Variants in CALD1 observed in about 807,000 individuals in gnomAD.
The protein encoded by CALD1 is caldesmon.
In CALD1, 33 loss-of-function variants were observed where a neutral mutation model predicts 99.9. That is an observed-to-expected ratio of 0.33 (90% CI 0.25 to 0.44). The LOEUF is 0.44. CALD1 is among the 20% of genes least tolerant of loss of function. CALD1 has a pLI of 1.00. For synonymous variants in CALD1, 310 were observed against 325.0 expected, an observed-to-expected ratio of 0.95 and a Z score of 0.50; for missense variants, 861 against 962.1, an observed-to-expected ratio of 0.89 and a Z score of 1.39.
At chr7:134,895,607 T>C (rs552025419) in intron 3 of CALD1, among the ~76,000 whole-genome samples, 9 of 152,272 alleles carry the variant, frequency 5.9e-5, no homozygotes, top group African/African-American at 2.2e-4. Flanking sequence ...CCTGTTCTGC[T>C]GTAGCCAAGA....
intron 1 of CALD1, among the ~76,000 whole-genome samples, chr7:134,798,714 A>G (rs1797838643): frequency 6.6e-6 from 1 of 152,238 alleles, no homozygotes; most frequent in African/African-American, 2.4e-5. Context: ...CACCCCAATG[A>G]CCGTATTCCA....
Position 134,933,767 on chromosome 7 carries a change from A to T in CALD1, c.998A>T (p.Glu333Val). 1 of 1,552,378 alleles carries T rather than the reference A, an allele frequency of 6.4e-7. No homozygotes were observed. Among genetic ancestry groups the T allele is most frequent in the East Asian group, 2.4e-5 (1 of 40,952 alleles). Residue 333 changes from glutamate to valine, a missense_variant, in exon 5 of 15, where the codon GAG becomes GTG. Around this residue, in one of 5 missense-constraint regions of CALD1, gnomAD observed 21 missense variants for 47.5 expected, o/e 0.44. Transcript: ENST00000361675. ...RAAEERQRIK[E>V]EEKRAAEERQ... The stretch of plus-strand genomic sequence containing the variant: ...GCAGAGGAGAGGCAGAGGATAAAGG[A>T]GGAAGAGAAAAGGGCAGCAGAGGAG...
At chr7:134,875,639 C>T (rs1801313610) in intron 3 of CALD1, among the ~76,000 whole-genome samples, 1 of 152,296 alleles carries the variant, frequency 6.6e-6, no homozygotes, top group Admixed American at 6.5e-5. Context: ...GCTTTGCTCA[C>T]CCCTTAAACC....
chr7:134,897,389 AATATAT>A (rs772700602), intron 3 of CALD1, among the ~76,000 whole-genome samples: 1 of 146,644 alleles, frequency 6.8e-6, no homozygotes, highest in Non-Finnish European at 1.5e-5. Flanking sequence ...TATATATATA[AATATAT>A]ATATATATAT....
At chr7:134,808,155 C>A (rs1207338470) in intron 1 of CALD1, among the ~76,000 whole-genome samples, 1 of 150,536 alleles carries the variant, frequency 6.6e-6, no homozygotes, top group East Asian at 2.0e-4. Flanking sequence ...GGCTTGAGTA[C>A]AGTGGTGCAA....
chr7:134,774,997 A>C (rs958084171), upstream of CALD1, among the ~76,000 whole-genome samples: 3 of 151,364 alleles, frequency 2.0e-5, no homozygotes, highest in African/African-American at 4.9e-5. Flanking sequence ...TTCATTTGTT[A>C]ATTCTGTTTT....
chr7:134,806,840 A>T (rs1798158762), intron 1 of CALD1, among the ~76,000 whole-genome samples: 1 of 152,200 alleles, frequency 6.6e-6, no homozygotes, highest in Non-Finnish European at 1.5e-5. Flanking sequence ...TGGTCAAAGG[A>T]GAATTTTTTT....
At chr7:134,844,030 C>CT (rs1799753376) in intron 2 of CALD1, 59 bp downstream of exon 2, 1 of 152,170 alleles carries the variant, frequency 6.6e-6, no homozygotes, top group Admixed American at 6.5e-5. Flanking sequence ...ATTACACAGC[C>CT]TCTGTGCCTG....
intron 3 of CALD1, among the ~76,000 whole-genome samples, chr7:134,903,638 TC>T (rs1349508741): frequency 6.6e-6 from 1 of 152,084 alleles, no homozygotes; most frequent in Non-Finnish European, 1.5e-5. Flanking sequence ...CAAGATTGTC[TC>T]CCTGTGTCTC....
chr7:134,917,587 T>A (rs895281474), intron 3 of CALD1, among the ~76,000 whole-genome samples: 1 of 152,174 alleles, frequency 6.6e-6, no homozygotes, highest in African/African-American at 2.4e-5. Context: ...TGACCTCAGA[T>A]GATCCACCCA....
intron 14 of CALD1, 49 bp from the exon 15 acceptor site, chr7:134,968,291 T>C: frequency 6.3e-7 from 1 of 1,590,590 alleles, no homozygotes; most frequent in Non-Finnish European, 8.6e-7. Flanking sequence ...CTGCAGGCTG[T>C]CAGTTTCACA....
intron 2 of CALD1, among the ~76,000 whole-genome samples, chr7:134,848,386 CT>C (rs1223611178): frequency 6.6e-6 from 1 of 152,176 alleles, no homozygotes; most frequent in Non-Finnish European, 1.5e-5. Context: ...TACAAATGAG[CT>C]GTGATTTCAG....
chr7:134,926,617 A>C lies in CALD1; in HGVS notation c.72-2137A>C, dbSNP rs527744131. Among the ~76,000 whole-genome samples, 18 of 152,316 alleles carry C rather than the reference A, an allele frequency of 1.2e-4. 1 individual carries two copies. Among genetic ancestry groups the C allele is most frequent in the Non-Finnish European group, 2.4e-4 (16 of 68,012 alleles). On this transcript the variant is annotated intron_variant, in intron 3 of 14. Coordinates refer to ENST00000361675, the MANE Select transcript of CALD1 (RefSeq NM_033138.4). Reference sequence around the variant, plus strand: ...TCATAGCATTCTTATTATTGAAGTCAAAAGATGACACAGATGAAATAAAGT... The same window carrying C: ...TCATAGCATTCTTATTATTGAAGTCCAAAGATGACACAGATGAAATAAAGT...
At chr7:134,893,644 C>A (rs749047770) in intron 3 of CALD1, among the ~76,000 whole-genome samples, 25 of 152,172 alleles carry the variant, frequency 1.6e-4, no homozygotes, top group Non-Finnish European at 2.8e-4. Flanking sequence ...TTCTGTTCTG[C>A]AAGGCCCTGA....
intron 1 of CALD1, among the ~76,000 whole-genome samples, chr7:134,807,061 C>T (rs192671153): frequency 1.7e-4 from 25 of 148,880 alleles, no homozygotes; most frequent in Admixed American, 1.3e-3. Flanking sequence ...CAGCTGTGGT[C>T]GGAGGAAGAT....
Position 134,935,747 on chromosome 7 carries a change from T to A in CALD1, c.1368T>A (p.Pro456=). The A allele has an allele frequency of 6.3e-7, 1 of 1,595,328 alleles. No homozygotes were observed. Among genetic ancestry groups the A allele is most frequent in the South Asian group, 1.2e-5 (1 of 86,678 alleles). ...AKREKLQEDK[P]TFKKEEIKDE... is the part of the protein sequence containing the mutation. ...GAGAAAAGCTCCAAGAAGACAAGCC[T>A]ACCTTCAAAAAAGAAGAGGTAAATA... Residue 456 remains proline, a synonymous_variant, in exon 6 of 15, where the codon CCT becomes CCA. Transcript: ENST00000361675.
intron 2 of CALD1, among the ~76,000 whole-genome samples, chr7:134,863,471 G>A (rs1041475687): frequency 6.6e-6 from 1 of 152,180 alleles, no homozygotes. Flanking sequence ...TGAGTGCTGG[G>A]TTAGCCACCT....
chr7:134,711,503 C>T, the CALD1 span, among the ~76,000 whole-genome samples: 3 of 151,968 alleles, frequency 2.0e-5, no homozygotes, highest in Non-Finnish European at 4.4e-5. Context: ...GCCTTCAGAC[C>T]GACTTTGGAC....
chr7:134,727,457 A>G, the CALD1 span, among the ~76,000 whole-genome samples: 111,155 of 152,254 alleles, frequency 0.73, 42,045 homozygotes, highest in East Asian at 0.99. Flanking sequence ...CATAAACTGA[A>G]CATCATCTAG....
Sources: allele counts gnomAD v4.1 joint callset (sites outside exome capture counted in the v4.1 genomes callset), GRCh38; gene constraint gnomAD v4.1.1; regional missense constraint gnomAD v4.1.1; transcripts MANE v1.5; gene names NCBI Gene and HGNC (gene_info 2026-07-23, HGNC 2026-07-21).